The following PRKCE variants were observed in gnomAD, a reference collection of about 807,000 sequenced individuals.
PRKCE encodes protein kinase C epsilon type.
Under a neutral mutation model 85.4 loss-of-function variants are expected in PRKCE, and 16 were observed. The ratio of observed to expected loss-of-function variants is 0.19; its 90% confidence interval spans 0.13 to 0.28. PRKCE has a LOEUF of 0.28. Ranked by LOEUF, PRKCE falls within the 10% of genes least tolerant of loss-of-function variation. The pLI is 1.00. For synonymous variants in PRKCE, 388 were observed against 371.5 expected (o/e 1.04, Z -0.51); for missense variants, 573 against 975.2 (o/e 0.59, Z 5.49).
intron 2 of PRKCE, among the ~76,000 whole-genome samples, chr2:45,847,615 A>G (rs1345631138): frequency 6.6e-6 from 1 of 152,172 alleles, no homozygotes; most frequent in South Asian, 2.1e-4. Flanking sequence ...GATGTGCTCC[A>G]GGCCAAAAGG....
intron 7 of PRKCE, among the ~76,000 whole-genome samples, chr2:46,002,090 C>G (rs1704733534): frequency 6.6e-6 from 1 of 152,190 alleles, no homozygotes; most frequent in Admixed American, 6.5e-5. Flanking sequence ...GTCTCTATCT[C>G]TGTGACATTC....
At chr2:45,690,678 A>G (rs1250015451) in intron 1 of PRKCE, among the ~76,000 whole-genome samples, 1 of 152,250 alleles carries the variant, frequency 6.6e-6, no homozygotes, top group Non-Finnish European at 1.5e-5. Context: ...AAGGCTGTGT[A>G]TATCGTGTGG....
At chr2:45,766,202 C>T (rs113069046) in intron 1 of PRKCE, among the ~76,000 whole-genome samples, 4 of 152,212 alleles carry the variant, frequency 2.6e-5, no homozygotes, top group Non-Finnish European at 2.9e-5. Flanking sequence ...TAGTCAATTA[C>T]GTTTCCTGCT....
rs537003460 is a variant in PRKCE, at chr2:46,142,562, C to T, written c.1593-2531C>T. On this transcript the variant is annotated intron_variant, in intron 11 of 14. Transcript: ENST00000306156. ...AGACAGCAGGAAGAAGCATTTTGGT[C>T]AGGGCCTCCCCCAGTCATAGCCAAG... is the stretch of plus-strand genomic sequence containing the variant. Among the ~76,000 whole-genome samples the T allele has an allele frequency of 1.4e-4, 22 of 152,354 alleles. No individual in the cohort carries two copies. In the South Asian group the frequency reaches 4.1e-3, roughly 29 times the overall value.
chr2:45,957,004 T>C (rs947695713), intron 2 of PRKCE, among the ~76,000 whole-genome samples: 2 of 151,840 alleles, frequency 1.3e-5, no homozygotes, highest in Non-Finnish European at 2.9e-5. Flanking sequence ...TTAATAATTA[T>C]TGAGTTCTGA....
chr2:45,886,261 A>G (rs959076251), intron 2 of PRKCE, among the ~76,000 whole-genome samples: 2 of 152,138 alleles, frequency 1.3e-5, no homozygotes, highest in African/African-American at 2.4e-5. Context: ...CTCTCTGTCA[A>G]CTGTCCCAAT....
At chr2:45,657,748 G>C (rs1258798878) in intron 1 of PRKCE, among the ~76,000 whole-genome samples, 1 of 152,200 alleles carries the variant, frequency 6.6e-6, no homozygotes, top group East Asian at 1.9e-4. Flanking sequence ...CACCCCTGCT[G>C]ACTCTGGGAG....
intron 2 of PRKCE, among the ~76,000 whole-genome samples, chr2:45,876,766 A>G (rs1252323642): frequency 6.6e-6 from 1 of 152,228 alleles, no homozygotes; most frequent in Non-Finnish European, 1.5e-5. Context: ...TATAAACAGC[A>G]TACTGTTAGA....
At chr2:45,679,593 T>C (rs1362437437) in intron 1 of PRKCE, among the ~76,000 whole-genome samples, 1 of 152,098 alleles carries the variant, frequency 6.6e-6, no homozygotes, top group East Asian at 1.9e-4. Context: ...TTGTAATAGT[T>C]ATGAAGCCTT....
At chr2:46,115,489 G>A (rs545963968) in intron 11 of PRKCE, among the ~76,000 whole-genome samples, 5 of 152,200 alleles carry the variant, frequency 3.3e-5, no homozygotes, top group African/African-American at 4.8e-5. Context: ...TGAGAGGGGT[G>A]TAAGGAACCC....
intron 1 of PRKCE, among the ~76,000 whole-genome samples, chr2:45,772,701 A>G (rs980050804): frequency 1.6e-4 from 24 of 152,116 alleles, no homozygotes; most frequent in African/African-American, 5.3e-4. Flanking sequence ...AGCATCTGCC[A>G]CATGCTCAGC....
chr2:46,039,768 C>T lies in PRKCE; in HGVS notation c.1437+29251C>T, dbSNP rs537067903. 1.1e-4 allele frequency among the ~76,000 whole-genome samples: 16 copies of T among 152,260 alleles called. No individual in the cohort carries two copies. In the South Asian group the frequency reaches 1.5e-3, roughly 14 times the overall value. ...ATTGACATTTGGGCTAAGGCATATA[C>T]GAGGCTCTTCAATTAGACACAGGCT... On this transcript the variant is annotated intron_variant, in intron 10 of 14. Coordinates refer to ENST00000306156, the MANE Select transcript of PRKCE (RefSeq NM_005400.3).
intron 1 of PRKCE, among the ~76,000 whole-genome samples, chr2:45,727,865 G>T (rs1240610493): frequency 1.3e-5 from 2 of 152,100 alleles, no homozygotes; most frequent in Non-Finnish European, 2.9e-5. Context: ...ATGTTGGTCA[G>T]GCTGGTCTCA....
chr2:46,162,593 T>A (rs886744015), intron 14 of PRKCE, among the ~76,000 whole-genome samples: 5 of 152,044 alleles, frequency 3.3e-5, no homozygotes, highest in African/African-American at 1.2e-4. Flanking sequence ...TTGAATTCAG[T>A]TGGGAGGAGA....
At chr2:45,864,763 G>C (rs972606754) in intron 2 of PRKCE, among the ~76,000 whole-genome samples, 2 of 152,172 alleles carry the variant, frequency 1.3e-5, no homozygotes, top group African/African-American at 4.8e-5. Flanking sequence ...GATGACTTCA[G>C]CTTCTCTTTT....
chr2:45,952,711 A>G (rs956811067), intron 2 of PRKCE, among the ~76,000 whole-genome samples: 30 of 152,334 alleles, frequency 2.0e-4, no homozygotes, highest in African/African-American at 6.7e-4. Flanking sequence ...TGTACTGTAC[A>G]TTTAAAATTG....
At chr2:45,850,103 A>G (rs559697524) in intron 2 of PRKCE, among the ~76,000 whole-genome samples, 28 of 152,342 alleles carry the variant, frequency 1.8e-4, no homozygotes, top group African/African-American at 6.5e-4. Context: ...ATGGTTAACA[A>G]CGCCAAATGC....
At chr2:45,696,081 C>T (rs913394956) in intron 1 of PRKCE, among the ~76,000 whole-genome samples, 1 of 139,594 alleles carries the variant, frequency 7.2e-6, no homozygotes, top group Non-Finnish European at 1.6e-5. Flanking sequence ...CTAATGCTAT[C>T]CCTCCCCTCC....
intron 1 of PRKCE, among the ~76,000 whole-genome samples, chr2:45,696,795 G>T (rs1189929921): frequency 3.3e-5 from 5 of 152,130 alleles, no homozygotes; most frequent in Non-Finnish European, 1.5e-5. Flanking sequence ...CTCTCATCCT[G>T]ATAACAAGCT....
Sources: allele counts gnomAD v4.1 joint callset (sites outside exome capture counted in the v4.1 genomes callset), GRCh38; gene constraint gnomAD v4.1.1; transcripts MANE v1.5; gene names NCBI Gene and HGNC (gene_info 2026-07-23, HGNC 2026-07-21).